The following FSHR variants were observed in gnomAD, a reference collection of about 807,000 sequenced individuals.
The protein encoded by FSHR is follicle stimulating hormone receptor, also known as follicle-stimulating hormone receptor.
FSHR carries 46 observed loss-of-function variants against 52.1 expected under a neutral mutation model. That is an observed-to-expected ratio of 0.88 (90% CI 0.70 to 1.13). FSHR has a LOEUF of 1.13. FSHR is among the 50% of genes most tolerant of loss of function. FSHR has a pLI of 0.00. For synonymous variants in FSHR, 399 were observed against 309.6 expected, an observed-to-expected ratio of 1.29 and a Z score of -3.03; for missense variants, 964 against 834.6, an observed-to-expected ratio of 1.16 and a Z score of -1.91.
chr2:49,047,942 A>G (rs962474250), intron 2 of FSHR, among the ~76,000 whole-genome samples: 1 of 152,194 alleles, frequency 6.6e-6, no homozygotes, highest in African/African-American at 2.4e-5. Context: ...GCAATGGCAC[A>G]ATCTCAGCTC....
rs573623803 is a variant in FSHR at position 49,084,827 on chromosome 2, A to G, written c.153-16537T>C. ...TTGAATCTCTGAATAGACCAATAACAGGATCTGAAATTGTGGCAATAATCA... is the reference window on the plus strand; with the variant it reads ...TTGAATCTCTGAATAGACCAATAACGGGATCTGAAATTGTGGCAATAATCA... On this transcript the variant is annotated intron_variant, in intron 1 of 9. Coordinates refer to ENST00000406846, the MANE Select transcript of FSHR (RefSeq NM_000145.4). Among the ~76,000 whole-genome samples, 145 of 152,324 alleles carry G rather than the reference A, an allele frequency of 9.5e-4. No individual in the cohort carries two copies. The East Asian group carries it at 0.016, about 17-fold the overall frequency.
At chr2:48,969,871 C>T (rs970353543) in intron 8 of FSHR, among the ~76,000 whole-genome samples, 1 of 152,182 alleles carries the variant, frequency 6.6e-6, no homozygotes, top group Non-Finnish European at 1.5e-5. Flanking sequence ...AAAACCAAGA[C>T]CGGCTGGTGA....
At chr2:49,063,540 A>G (rs1669390747) in intron 2 of FSHR, among the ~76,000 whole-genome samples, 1 of 152,100 alleles carries the variant, frequency 6.6e-6, no homozygotes, top group Non-Finnish European at 1.5e-5. Context: ...ATCTTGGAGG[A>G]TATTATGTTA....
At chr2:49,029,133 C>T (rs920122480) in intron 2 of FSHR, among the ~76,000 whole-genome samples, 1 of 152,166 alleles carries the variant, frequency 6.6e-6, no homozygotes, top group South Asian at 2.1e-4. Flanking sequence ...AAAGAAATAA[C>T]CAAAAATTCT....
At chr2:49,063,923 A>G (rs1438014298) in intron 2 of FSHR, among the ~76,000 whole-genome samples, 1 of 152,182 alleles carries the variant, frequency 6.6e-6, no homozygotes, top group Non-Finnish European at 1.5e-5. Flanking sequence ...GTATCAAAAT[A>G]GTACACTATA....
intron 1 of FSHR, among the ~76,000 whole-genome samples, chr2:49,137,829 G>C (rs956745942): frequency 3.3e-5 from 5 of 152,006 alleles, no homozygotes; most frequent in Admixed American, 6.5e-5. Flanking sequence ...ACAGGTAAGA[G>C]CTAAAATTAT....
chr2:48,963,370 C>A lies in FSHR; in HGVS notation c.1451G>T (p.Arg484Leu). Residue 484 changes from arginine (R) to leucine (L), a missense_variant, in exon 10 of 10, where the codon CGC (arginine) becomes CTC (leucine). Physicochemically the swap from Arg to Leu is moderately radical, Grantham distance 102. Transcript: ENST00000406846. The stretch of plus-strand genomic sequence containing the variant: ...CATCACCATGACACTGGCAGCATGG[C>A]GGAGCTGCACCTTGCAGTCCAGCTG... The part of the protein sequence containing the change: ...AMQLDCKVQL[R>L]HAASVMVMGW... 1.2e-6 allele frequency: 2 copies of A among 1,613,968 alleles called. No homozygotes were observed. The highest frequency in any genetic ancestry group is 8.5e-7 in the Non-Finnish European group (1 of 1,179,956).
chr2:48,992,503 G>A (rs1228344953), intron 4 of FSHR, among the ~76,000 whole-genome samples: 1 of 152,222 alleles, frequency 6.6e-6, no homozygotes, highest in African/African-American at 2.4e-5. Flanking sequence ...AGTGGTGTCA[G>A]TGATTCAGGA....
chr2:49,124,482 C>G (rs1011411366), intron 1 of FSHR, among the ~76,000 whole-genome samples: 7 of 152,142 alleles, frequency 4.6e-5, no homozygotes, highest in African/African-American at 1.4e-4. Flanking sequence ...TTACGCCTAT[C>G]TCATGATCTT....
At chr2:49,061,560 A>G (rs1669290814) in intron 2 of FSHR, among the ~76,000 whole-genome samples, 1 of 145,778 alleles carries the variant, frequency 6.9e-6, no homozygotes, top group Non-Finnish European at 1.5e-5. Flanking sequence ...ATATATACAT[A>G]TAAATATACA....
At chr2:49,040,322 T>G (rs1186540582) in intron 2 of FSHR, among the ~76,000 whole-genome samples, 1 of 152,136 alleles carries the variant, frequency 6.6e-6, no homozygotes, top group African/African-American at 2.4e-5. Flanking sequence ...GGGAGTGGGC[T>G]TTCTTAGAAG....
intron 4 of FSHR, among the ~76,000 whole-genome samples, chr2:49,016,059 A>T (rs1431473812): frequency 6.6e-6 from 1 of 152,094 alleles, no homozygotes; most frequent in Non-Finnish European, 1.5e-5. Context: ...GTCTTTTATT[A>T]CCTCAGTTCT....
At chr2:49,135,389 A>G (rs1436414678) in intron 1 of FSHR, among the ~76,000 whole-genome samples, 1 of 152,186 alleles carries the variant, frequency 6.6e-6, no homozygotes, top group Non-Finnish European at 1.5e-5. Context: ...TTTTTAAAAA[A>G]GGAAAACAGA....
intron 1 of FSHR, among the ~76,000 whole-genome samples, chr2:49,098,057 T>A (rs1290750134): frequency 6.6e-6 from 1 of 152,134 alleles, no homozygotes; most frequent in African/African-American, 2.4e-5. Flanking sequence ...ATATGGCTAG[T>A]AGGGTTACGA....
intron 4 of FSHR, among the ~76,000 whole-genome samples, chr2:49,002,701 G>A (rs1290599722): frequency 6.6e-6 from 1 of 152,040 alleles, no homozygotes; most frequent in African/African-American, 2.4e-5. Context: ...CCAACATGTG[G>A]GGATTACAAT....
chr2:49,025,781 G>A (rs1017797482), intron 2 of FSHR, among the ~76,000 whole-genome samples: 1 of 152,062 alleles, frequency 6.6e-6, no homozygotes, highest in African/African-American at 2.4e-5. Context: ...CTTAAACCAG[G>A]CTATGTTATT....
intron 2 of FSHR, among the ~76,000 whole-genome samples, chr2:49,022,010 G>C (rs1034360471): frequency 8.0e-5 from 12 of 150,360 alleles, no homozygotes; most frequent in African/African-American, 2.2e-4. Flanking sequence ...AATTGAGAAG[G>C]AGGGGGAAAG....
At chr2:49,095,169 G>A (rs1670775371) in intron 1 of FSHR, among the ~76,000 whole-genome samples, 1 of 152,094 alleles carries the variant, frequency 6.6e-6, no homozygotes, top group South Asian at 2.1e-4. Context: ...ACCCATAATG[G>A]TCAAAATAAT....
rs2103992431 is a variant in FSHR, at chr2:48,963,575, G to A, written c.1246C>T (p.Leu416=). Reference sequence around the variant, plus strand: ...TGGATATCAACTGATGCAATGAGCAGCAGGTAGATTCCAATGCAGAGATCA... The same window carrying A: ...TGGATATCAACTGATGCAATGAGCAACAGGTAGATTCCAATGCAGAGATCA... ...FADLCIGIYL[L]LIASVDIHTK... The change falls in exon 10 of 10, where the codon CTG becomes TTG. Residue 416 remains leucine (L), a synonymous_variant. Transcript: ENST00000406846. 1.9e-6 allele frequency: 3 copies of A among 1,614,200 alleles called. No homozygotes were observed. The highest frequency in any genetic ancestry group is 2.2e-5 in the East Asian group (1 of 44,874).
Sources: gnomAD v4.1 joint callset for allele counts (sites outside exome capture counted in the v4.1 genomes callset) on GRCh38, gnomAD v4.1.1 for gene constraint, MANE v1.5 for transcripts, NCBI Gene and HGNC (gene_info 2026-07-23, HGNC 2026-07-21) for gene names.